Variants in PKD1L1 observed in about 807,000 individuals in gnomAD.
The protein encoded by PKD1L1 is polycystin 1 like 1, transient receptor potential channel interacting.
A neutral mutation model predicts 323.4 loss-of-function variants in PKD1L1; 236 were observed. The ratio of observed to expected loss-of-function variants is 0.73; its 90% CI spans 0.66 to 0.81. The LOEUF (loss-of-function observed/expected upper bound fraction) is 0.81, where lower values mean the gene tolerates loss of function less well. Among genes scored for constraint, PKD1L1 ranks in the 40% least tolerant of loss-of-function variants. The pLI is 0.00. For missense variants in PKD1L1, 3,320 were observed against 3,508.0 expected, an observed-to-expected ratio of 0.95 and a Z score of 1.35; for synonymous variants, 1,344 against 1,335.0, an observed-to-expected ratio of 1.01 and a Z score of -0.15.
chr7:47,833,444 T>G (rs995642145), intron 40 of PKD1L1, among the ~76,000 whole-genome samples, 192 bp from the exon 41 acceptor site: 1 of 152,070 alleles, frequency 6.6e-6, no homozygotes, highest in African/African-American at 2.4e-5. Context: ...TTGTACCCCT[T>G]GGGGGACGGT....
At chr7:47,932,357 G>A (rs576133056) in intron 4 of PKD1L1, among the ~76,000 whole-genome samples, 1 of 152,214 alleles carries the variant, frequency 6.6e-6, no homozygotes, top group African/African-American at 2.4e-5. Context: ...CCAAAGGGGC[G>A]AGTCACATAC....
At chr7:47,947,491 G>A (rs889336096) in intron 1 of PKD1L1, among the ~76,000 whole-genome samples, 7 of 152,224 alleles carry the variant, frequency 4.6e-5, no homozygotes, top group Non-Finnish European at 1.0e-4. Context: ...TGACCCACCT[G>A]GGTCCTTACC....
At chr7:47,819,197 G>T (rs2128731833) in intron 46 of PKD1L1, among the ~76,000 whole-genome samples, 1 of 152,276 alleles carries the variant, frequency 6.6e-6, no homozygotes, top group South Asian at 2.1e-4. Flanking sequence ...ATCCCTGCCT[G>T]GTGGCCAGAG....
At chr7:47,815,191 C>T in intron 47 of PKD1L1, 143 bp downstream of exon 47, 2 of 1,055,458 alleles carry the variant, frequency 1.9e-6, no homozygotes, top group South Asian at 1.7e-5. Context: ...CTGCTGGGAC[C>T]CACTGGAGAG....
chr7:47,929,615 G>T, intron 6 of PKD1L1, 89 bp from the exon 7 acceptor site: 1 of 1,262,226 alleles, frequency 7.9e-7, no homozygotes, highest in Non-Finnish European at 1.1e-6. Context: ...CCTGGGTCCA[G>T]CCAGCTAGAA....
chr7:47,883,743 A>G (rs1041169468), intron 19 of PKD1L1, among the ~76,000 whole-genome samples: 1 of 152,258 alleles, frequency 6.6e-6, no homozygotes, highest in African/African-American at 2.4e-5. Context: ...GCCTCAAATC[A>G]GAGGAATAAA....
intron 33 of PKD1L1, 72 bp from the exon 34 acceptor site, chr7:47,843,241 C>T (rs1785599095): frequency 8.7e-6 from 10 of 1,144,938 alleles, no homozygotes; most frequent in African/African-American, 1.6e-5. Context: ...CTGATTGCCA[C>T]CCCTAGCCCC....
Position 47,882,066 on chromosome 7 carries a change from T to C in PKD1L1, c.3285A>G (p.Pro1095=). 1.9e-6 allele frequency: 3 copies of C among 1,613,286 alleles called. No homozygotes were observed. Among genetic ancestry groups the C allele is most frequent in the Non-Finnish European group, 2.5e-6 (3 of 1,179,834 alleles). ...GRQPAKDTSF[P]GSGPSLSAEE... is the part of the protein sequence containing the mutation. ...CGGCACTCAAGCTAGGTCCTGATCCTGGAAAGCTGGTGTCCTTAGCTAGGA... is the reference window on the plus strand; with the variant it reads ...CGGCACTCAAGCTAGGTCCTGATCCCGGAAAGCTGGTGTCCTTAGCTAGGA... Residue 1095 remains proline, a synonymous_variant, in exon 20 of 57, where the codon CCA becomes CCG. Transcript: ENST00000289672.
Position 47,905,937 on chromosome 7 carries a change from T to C in PKD1L1, c.1428A>G (p.Pro476=), listed in dbSNP as rs1159920966. 6.2e-7 allele frequency: 1 copy of C among 1,610,156 alleles called. No individual in the cohort carries two copies. The highest frequency in any genetic ancestry group is 8.5e-7 in the Non-Finnish European group (1 of 1,178,832). The change falls in exon 10 of 57, where the codon CCA becomes CCG. Residue 476 remains proline, a synonymous_variant. Coordinates refer to ENST00000289672, the MANE Select transcript of PKD1L1 (RefSeq NM_138295.5). The part of the protein sequence containing the change: ...QKSTVVIHHF[P]SIPSYNVSFI... ...AGGACACGTTATATGAAGGAATAGA[T>C]GGAAAGTGATGTATAACCACAGTGC...
chr7:47,937,434 A>G (rs1453018464), intron 3 of PKD1L1, among the ~76,000 whole-genome samples: 1 of 152,182 alleles, frequency 6.6e-6, no homozygotes, highest in African/African-American at 2.4e-5. Context: ...ACAAGTGGGA[A>G]CCAAGAGAGC....
chr7:47,807,179 G>A (rs75888355), intron 52 of PKD1L1, among the ~76,000 whole-genome samples: 1 of 152,016 alleles, frequency 6.6e-6, no homozygotes, highest in Non-Finnish European at 1.5e-5. Flanking sequence ...TTTCACTTCA[G>A]GAGAAAAGCC....
intron 8 of PKD1L1, among the ~76,000 whole-genome samples, chr7:47,914,517 A>G (rs1038394229): frequency 5.3e-4 from 80 of 152,196 alleles, no homozygotes; most frequent in African/African-American, 1.7e-3. Flanking sequence ...CAGAAGACAC[A>G]AAGGAAGAGG....
intron 31 of PKD1L1, among the ~76,000 whole-genome samples, chr7:47,852,783 G>A (rs1299812858): frequency 6.6e-6 from 1 of 152,148 alleles, no homozygotes; most frequent in Non-Finnish European, 1.5e-5. Flanking sequence ...AAGCTCAGCA[G>A]AGGTTAGTTT....
chr7:47,908,024 TG>T, intron 9 of PKD1L1, 52 bp downstream of exon 9: 1 of 1,552,064 alleles, frequency 6.4e-7, no homozygotes, highest in Non-Finnish European at 8.8e-7. Flanking sequence ...GGAGATACCC[TG>T]CTTCATTTAT....
At chr7:47,823,532 C>T (rs538313848) in intron 45 of PKD1L1, among the ~76,000 whole-genome samples, 11 of 152,152 alleles carry the variant, frequency 7.2e-5, no homozygotes, top group Non-Finnish European at 1.3e-4. Context: ...TTACTGTAAA[C>T]TACAAGTTGG....
At chr7:47,864,781 C>T (rs896791744) in intron 26 of PKD1L1, among the ~76,000 whole-genome samples, 6 of 148,554 alleles carry the variant, frequency 4.0e-5, no homozygotes, top group African/African-American at 7.4e-5. Flanking sequence ...TGCAGTGGCG[C>T]GATCTCGGCT....
chr7:47,865,734 T>C (rs151322885), intron 25 of PKD1L1, among the ~76,000 whole-genome samples: 9,815 of 150,512 alleles, frequency 0.065, 385 homozygotes, highest in Non-Finnish European at 0.07. Context: ...TACACGCGCC[T>C]GCCACCACAC....
At position 47,803,347 on chromosome 7, in the gene PKD1L1, GAGAC is replaced by G. The variant is rs765426545; in HGVS notation, c.7828-7_7828-4del. ...ATTCCCCGGAGCCATCGAGCCCTCT[GAGAC>G]AGAAGAACATAACAGTCAGTGTGCC... On this transcript the variant is annotated splice_polypyrimidine_tract_variant and splice_region_variant and intron_variant, in intron 52 of 56. Transcript: ENST00000289672. 3.1e-6 allele frequency: 5 copies of G among 1,613,520 alleles called. No homozygotes were observed. In the East Asian group the frequency reaches 1.1e-4, roughly 36 times the overall value.
At chr7:47,865,376 T>C in intron 25 of PKD1L1, 104 bp from the exon 26 acceptor site, 1 of 1,002,522 alleles carries the variant, frequency 1.0e-6, no homozygotes, top group South Asian at 1.5e-5. Context: ...ATAGTACAGA[T>C]TCCCTGCTTT....
Sources: allele counts gnomAD v4.1 joint callset (sites outside exome capture counted in the v4.1 genomes callset), GRCh38; gene constraint gnomAD v4.1.1; transcripts MANE v1.5; gene names NCBI Gene and HGNC (gene_info 2026-07-23, HGNC 2026-07-21).